The following CAND2 variants were observed in gnomAD, a reference collection of about 807,000 sequenced individuals.
CAND2 encodes cullin-associated NEDD8-dissociated protein 2.
In CAND2, 62 loss-of-function variants were observed where a neutral mutation model predicts 98.9. The observed-to-expected ratio is 0.63, with a 90% confidence interval of 0.51 to 0.77. The LOEUF is 0.77. Ranked by LOEUF, CAND2 falls within the 30% of genes least tolerant of loss-of-function variation. The probability of loss-of-function intolerance (pLI) is 0.00; values close to 1 mark genes in which losing one functional copy is unlikely to be tolerated. For synonymous variants in CAND2, 770 were observed against 731.9 expected (o/e 1.05, Z -0.84); for missense variants, 1,501 against 1,655.2 (o/e 0.91, Z 1.62).
In CAND2 at chr3:12,815,475, A is replaced by G. The variant is rs779090145; in HGVS notation, c.1299+42A>G. The stretch of plus-strand genomic sequence containing the variant: ...CTCCACCCCTACCCCCGATTTGCCT[A>G]CCCAGCCACTCACTGTTAGTGTCCC... On this transcript the variant is annotated intron_variant, in intron 8 of 14. Coordinates refer to ENST00000456430, the MANE Select transcript of CAND2 (RefSeq NM_001162499.2). This position sits in a 1 kb window ranked among gnomAD's most constrained non-coding sequence, Gnocchi z 5.7. 66 of 1,527,626 alleles carry G rather than the reference A, an allele frequency of 4.3e-5. No homozygotes were observed. Among genetic ancestry groups the G allele is most frequent in the Non-Finnish European group, 5.6e-5 (63 of 1,129,860 alleles). 94.6% of individuals were successfully genotyped at this position (1,527,626 alleles called of 1,614,324 possible).
intron 2 of CAND2, among the ~76,000 whole-genome samples, chr3:12,804,853 G>C (rs1310719720): frequency 5.9e-5 from 9 of 152,190 alleles, no homozygotes; most frequent in Non-Finnish European, 1.3e-4. Flanking sequence ...GTGATCCCAA[G>C]AGCAGAGAGA....
chr3:12,809,896 T>C, intron 4 of CAND2, 163 bp from the exon 5 acceptor site: 1 of 757,192 alleles, frequency 1.3e-6, no homozygotes, highest in Non-Finnish European at 1.9e-6. Flanking sequence ...ACAAAAGTAA[T>C]TAAAATAATT....
chr3:12,799,051 C>A (rs1459799460), intron 1 of CAND2, among the ~76,000 whole-genome samples: 1 of 152,096 alleles, frequency 6.6e-6, no homozygotes, highest in Non-Finnish European at 1.5e-5. Flanking sequence ...AAACGAGTAC[C>A]CTTGCAGGTC....
intron 13 of CAND2, among the ~76,000 whole-genome samples, chr3:12,830,189 C>A (rs2062041910): frequency 1.3e-5 from 2 of 152,182 alleles, no homozygotes; most frequent in Admixed American, 1.3e-4. Context: ...TTGCTTCCTG[C>A]CAACCCCCAA....
intron 10 of CAND2, among the ~76,000 whole-genome samples, chr3:12,819,793 C>T (rs999494051): frequency 6.6e-6 from 1 of 152,144 alleles, no homozygotes; most frequent in Non-Finnish European, 1.5e-5. Flanking sequence ...AATCCCAAGG[C>T]CTGAGGGAAG....
rs1029298343 is a variant in CAND2, at chr3:12,808,267, T to C, written c.425T>C (p.Ile142Thr). 1.3e-6 allele frequency: 2 copies of C among 1,551,470 alleles called. No individual in the cohort carries two copies. The highest frequency in any genetic ancestry group is 2.0e-5 in the Admixed American group (1 of 51,006). Residue 142 changes from isoleucine to threonine, a missense_variant, in exon 4 of 15, where the codon ATT becomes ACT. Transcript: ENST00000456430. ...RKITGQLTSA[I>T]AQQEDVAVQL... ...ATCACAGGCCAGCTCACCAGTGCCATTGCCCAGCAGGAGGATGTGGCTGTG... is the reference window on the plus strand; with the variant it reads ...ATCACAGGCCAGCTCACCAGTGCCACTGCCCAGCAGGAGGATGTGGCTGTG...
At chr3:12,824,096 A>C (rs946548016) in intron 11 of CAND2, among the ~76,000 whole-genome samples, 3 of 152,138 alleles carry the variant, frequency 2.0e-5, no homozygotes, top group African/African-American at 7.2e-5. Context: ...ACTTGAGTCC[A>C]GGAGTTTGAG....
chr3:12,819,389 C>T (rs968441190), intron 10 of CAND2, among the ~76,000 whole-genome samples: 18 of 152,088 alleles, frequency 1.2e-4, no homozygotes, highest in East Asian at 9.6e-4. Context: ...GCAAAGGGGG[C>T]GAGCCACTGA....
chr3:12,827,710 A>G (rs1046320737), intron 13 of CAND2, 106 bp downstream of exon 13: 21 of 1,069,512 alleles, frequency 2.0e-5, no homozygotes, highest in South Asian at 1.3e-4. Context: ...CAGGCACCCA[A>G]TGAAAATAGC....
intron 1 of CAND2, among the ~76,000 whole-genome samples, chr3:12,797,858 C>G (rs1012832998): frequency 6.6e-6 from 1 of 152,154 alleles, no homozygotes; most frequent in Non-Finnish European, 1.5e-5. Flanking sequence ...TGATTCCAGC[C>G]CCCTGACAGG....
chr3:12,797,071 C>T (rs1414532889), intron 1 of CAND2, among the ~76,000 whole-genome samples: 2 of 151,814 alleles, frequency 1.3e-5, no homozygotes, highest in Non-Finnish European at 2.9e-5. Context: ...CACCCCCGAT[C>T]AGAGCCCCGG....
Position 12,817,159 on chromosome 3 carries a change from C to G in CAND2, c.2227C>G (p.Leu743Val). The G allele has an allele frequency of 6.2e-7, 1 of 1,612,916 alleles. No individual in the cohort carries two copies. The highest frequency in any genetic ancestry group is 1.1e-5 in the South Asian group (1 of 91,076). ...CCCTGTGCTCTCAGAGCTGCTGCGGCTGCTGCGTTCGCCCCTGTTGCCAGC... is the reference window on the plus strand; with the variant it reads ...CCCTGTGCTCTCAGAGCTGCTGCGGGTGCTGCGTTCGCCCCTGTTGCCAGC... ...SGPVLSELLR[L>V]LRSPLLPAGV... Residue 743 changes from leucine (L) to valine (V), a missense_variant, in exon 10 of 15, where the codon CTG (leucine) becomes GTG (valine). Leu to Val is a conservative substitution (Grantham distance 32). This residue lies in a region of CAND2 where 1,427 missense variants were observed against 1,545.3 expected (regional missense o/e 0.92). Coordinates refer to ENST00000456430, the MANE Select transcript of CAND2 (RefSeq NM_001162499.2).
chr3:12,834,049 A>C lies in CAND2; in HGVS notation c.*67A>C. The C allele has an allele frequency of 7.8e-7, 1 of 1,278,348 alleles. No individual in the cohort carries two copies. The highest frequency in any genetic ancestry group is 1.1e-6 in the Non-Finnish European group (1 of 883,642). The allele number at this position is 1,278,348 out of a possible 1,614,324, so 79.2% of individuals were successfully genotyped here. A position where few individuals can be genotyped will look rare whatever the true frequency, so the allele number is the denominator to read the frequency against. ...GCCCACCCAAGTCCGAGGCCTCCCC[A>C]TCCCACCATCGCAGGTCTCTACTTT... is the stretch of plus-strand genomic sequence containing the variant. On this transcript the variant is annotated 3_prime_UTR_variant, in exon 15 of 15. Coordinates refer to ENST00000456430, the MANE Select transcript of CAND2 (RefSeq NM_001162499.2).
chr3:12,815,009 G>T lies in CAND2; in HGVS notation c.1007-132G>T, dbSNP rs1341551398. On this transcript the variant is annotated intron_variant, in intron 7 of 14. Coordinates refer to ENST00000456430, the MANE Select transcript of CAND2 (RefSeq NM_001162499.2). The surrounding 1 kb of genome is among the most constrained non-coding windows in gnomAD (Gnocchi z 5.7). ...AAAGGTAGGGAATGTTCCCCATAGG[G>T]TATCTATAAATGCTGATCATCAAAA... 3 of 825,418 alleles carry T rather than the reference G, an allele frequency of 3.6e-6. No homozygotes were observed. The highest frequency in any genetic ancestry group is 5.7e-6 in the Non-Finnish European group (3 of 527,826). The allele number at this position is 825,418 out of a possible 1,614,324, so 51.1% of individuals were successfully genotyped here. A position where few individuals can be genotyped will look rare whatever the true frequency, so the allele number is the denominator to read the frequency against.
intron 1 of CAND2, among the ~76,000 whole-genome samples, chr3:12,800,322 G>A (rs1468490083): frequency 6.6e-6 from 1 of 152,208 alleles, no homozygotes; most frequent in Non-Finnish European, 1.5e-5. Context: ...TCTAGGAGCA[G>A]GTCTGAGTCT....
In CAND2 at chr3:12,805,093, G is replaced by A. The variant is rs546095953; in HGVS notation, c.212+1462G>A. ...CATAACCATAAAGGCAAACTAGAAG[G>A]AATGTAGTTTATAGTAATGTGTGTT... is the stretch of plus-strand genomic sequence containing the variant. On this transcript the variant is annotated intron_variant, in intron 2 of 14. Transcript: ENST00000456430. 2.6e-5 allele frequency among the ~76,000 whole-genome samples: 4 copies of A among 152,252 alleles called. No homozygotes were observed. In the South Asian group the frequency reaches 8.3e-4, roughly 32 times the overall value.
At chr3:12,799,412 A>G (rs2061750470) in intron 1 of CAND2, among the ~76,000 whole-genome samples, 1 of 152,232 alleles carries the variant, frequency 6.6e-6, no homozygotes, top group African/African-American at 2.4e-5. Context: ...GCTCTTATCC[A>G]CCAAATTATA....
At chr3:12,814,344 C>A (rs990352588) in intron 7 of CAND2, among the ~76,000 whole-genome samples, 6 of 152,190 alleles carry the variant, frequency 3.9e-5, no homozygotes, top group African/African-American at 1.4e-4. Flanking sequence ...TAGGGCTGGG[C>A]CTCGTGGACC....
In CAND2 at chr3:12,833,842, ATCCCCGAGGTGGGGAAAAGCCCC is replaced by A; in HGVS notation, c.3572_3594del (p.Ile1191AsnfsTer14). On this transcript the variant is annotated frameshift_variant, in exon 15 of 15. Transcript: ENST00000456430. LOFTEE classifies it high-confidence loss of function. Reference sequence around the variant, plus strand: ...GAGGGCAGTGGCTGCCCTGCTGACCATCCCCGAGGTGGGGAAAAGCCCCATCATGGCCGACTTCTCTTCCCAAA... The same window carrying A: ...GAGGGCAGTGGCTGCCCTGCTGACCAATCATGGCCGACTTCTCTTCCCAAA... 2 of 1,614,180 alleles carry A rather than the reference ATCCCCGAGGTGGGGAAAAGCCCC, an allele frequency of 1.2e-6. No individual in the cohort carries two copies. Among genetic ancestry groups the A allele is most frequent in the Non-Finnish European group, 1.7e-6 (2 of 1,179,992 alleles).
Sources: gnomAD v4.1 joint callset for allele counts (sites outside exome capture counted in the v4.1 genomes callset) on GRCh38, gnomAD v4.1.1 for gene constraint, gnomAD v4.1.1 regional missense constraint, Gnocchi (gnomAD v3.1) non-coding constraint, MANE v1.5 for transcripts, NCBI Gene and HGNC (gene_info 2026-07-23, HGNC 2026-07-21) for gene names.